Variants in CEP83 observed in about 807,000 individuals in gnomAD.
CEP83 encodes the protein centrosomal protein of 83 kDa.
Under a neutral mutation model 101.9 loss-of-function variants are expected in CEP83, and 70 were observed. That is an observed-to-expected ratio of 0.69 (90% CI 0.57 to 0.84). CEP83 has a LOEUF of 0.84. CEP83 is among the 40% of genes least tolerant of loss of function. The pLI is 0.00. For missense variants in CEP83, 715 were observed against 787.2 expected (o/e 0.91, Z 1.10); for synonymous variants, 264 against 267.9 (o/e 0.99, Z 0.14).
In CEP83 at chr12:94,335,626, G is replaced by T; in HGVS notation, c.1382C>A (p.Ala461Glu). 6.3e-7 allele frequency: 1 copy of T among 1,584,274 alleles called. No homozygotes were observed. Among genetic ancestry groups the T allele is most frequent in the Non-Finnish European group, 8.6e-7 (1 of 1,165,284 alleles). The change falls in exon 12 of 17, where the codon GCA becomes GAA. Residue 461 changes from alanine to glutamate, a missense_variant. By Grantham distance (107) the Ala-to-Glu change is moderately radical. Transcript: ENST00000397809. ...AGAATTTTCATTTTTTTCCTTCTCTGCATTTTCAATAGTCACAATTTGTTG... is the reference window on the plus strand; with the variant it reads ...AGAATTTTCATTTTTTTCCTTCTCTTCATTTTCAATAGTCACAATTTGTTG... Reference protein sequence around the residue: ...LQQQIVTIENAEKEKNENSDL... With the variant: ...LQQQIVTIENEEKEKNENSDL...
At chr12:94,364,748 C>T (rs115979764) in intron 11 of CEP83, among the ~76,000 whole-genome samples, 2,805 of 152,050 alleles carry the variant, frequency 0.018, 78 homozygotes, top group African/African-American at 0.064. Flanking sequence ...ATTTAAAATA[C>T]AATAAAAGCA....
At chr12:94,387,527 G>A (rs2062222572) in intron 6 of CEP83, among the ~76,000 whole-genome samples, 1 of 152,106 alleles carries the variant, frequency 6.6e-6, no homozygotes, top group African/African-American at 2.4e-5. Context: ...ATGGCACCAG[G>A]GACTTTGGGG....
chr12:94,335,835 C>T (rs1010292746), intron 11 of CEP83, 171 bp from the exon 12 acceptor site: 1 of 576,138 alleles, frequency 1.7e-6, no homozygotes, highest in Non-Finnish European at 3.1e-6. Context: ...AAATGTAAAA[C>T]AAATTACTGC....
At chr12:94,373,601 G>T (rs190286113) in intron 8 of CEP83, among the ~76,000 whole-genome samples, 61 of 152,130 alleles carry the variant, frequency 4.0e-4, no homozygotes, top group African/African-American at 1.3e-3. Flanking sequence ...CCTTTTATTG[G>T]CATTCTGAAA....
At chr12:94,341,951 T>C (rs577154662) in intron 11 of CEP83, among the ~76,000 whole-genome samples, 1 of 152,026 alleles carries the variant, frequency 6.6e-6, no homozygotes, top group Non-Finnish European at 1.5e-5. Flanking sequence ...AACATTAGAG[T>C]AGGATGCCTG....
chr12:94,275,103 G>A, the CEP83 span, among the ~76,000 whole-genome samples: 6 of 152,136 alleles, frequency 3.9e-5, no homozygotes, highest in African/African-American at 7.2e-5. Context: ...CAGGTGGCCC[G>A]GTGCTGGGCC....
intron 1 of CEP83, among the ~76,000 whole-genome samples, chr12:94,445,287 A>C (rs1021234457): frequency 1.3e-5 from 2 of 152,096 alleles, no homozygotes; most frequent in South Asian, 4.2e-4. Context: ...ACACACACAC[A>C]CACACAAAGA....
rs146768450 is a variant in CEP83 at position 94,349,009 on chromosome 12, G to T, written c.1344-13345C>A. ...GCTAAGTGTTTGTCTAATCCCACCA[G>T]GTGTGGTGGCTCACACTTGTAATCC... On this transcript the variant is annotated intron_variant, in intron 11 of 16. Coordinates refer to ENST00000397809, the MANE Select transcript of CEP83 (RefSeq NM_016122.3). Among the ~76,000 whole-genome samples the T allele has an allele frequency of 3.7e-4, 56 of 152,156 alleles. No homozygotes were observed. The East Asian group carries it at 8.1e-3, about 22-fold the overall frequency.
At chr12:94,450,867 TA>T (rs2067200302) in intron 1 of CEP83, among the ~76,000 whole-genome samples, 2 of 152,160 alleles carry the variant, frequency 1.3e-5, no homozygotes, top group African/African-American at 4.8e-5. Context: ...TCCTAAATTG[TA>T]TATGGAAATG....
chr12:94,429,101 A>T (rs148082868), intron 2 of CEP83, among the ~76,000 whole-genome samples: 106 of 152,364 alleles, frequency 7.0e-4, no homozygotes, highest in Non-Finnish European at 1.3e-3. Flanking sequence ...ATACAAAGTC[A>T]TAAATTCAGG....
chr12:94,351,903 G>T (rs143245391), intron 11 of CEP83, among the ~76,000 whole-genome samples: 304 of 152,264 alleles, frequency 2.0e-3, no homozygotes, highest in African/African-American at 6.9e-3. Flanking sequence ...AAAACTCACA[G>T]CAGAGACCAC....
chr12:94,300,976 A>G, the CEP83 span: 3 of 1,613,858 alleles, frequency 1.9e-6, no homozygotes, highest in South Asian at 3.3e-5. Context: ...TTAAGAAGAC[A>G]CCACATATAG....
chr12:94,441,914 CAAAAA>C (rs370968833), intron 1 of CEP83, among the ~76,000 whole-genome samples: 1 of 61,820 alleles, frequency 1.6e-5, no homozygotes, highest in African/African-American at 5.9e-5. Flanking sequence ...GACTCCGTCT[CAAAAA>C]AAAAAAAAAA....
intron 1 of CEP83, among the ~76,000 whole-genome samples, chr12:94,444,833 A>G (rs1007455411): frequency 1.1e-4 from 17 of 152,194 alleles, no homozygotes; most frequent in Non-Finnish European, 2.4e-4. Context: ...CTCTATATCT[A>G]TTTTATAATT....
intron 2 of CEP83, among the ~76,000 whole-genome samples, chr12:94,420,586 T>C (rs1225958082): frequency 6.6e-6 from 1 of 152,084 alleles, no homozygotes; most frequent in Non-Finnish European, 1.5e-5. Context: ...GTTTTTTTTG[T>C]TTTGTTTTGT....
At chr12:94,448,415 T>C (rs1219634606) in intron 1 of CEP83, among the ~76,000 whole-genome samples, 1 of 152,196 alleles carries the variant, frequency 6.6e-6, no homozygotes, top group Non-Finnish European at 1.5e-5. Context: ...ATAGAAGTCT[T>C]GACTAACCTC....
intron 1 of CEP83, among the ~76,000 whole-genome samples, chr12:94,451,712 G>A (rs2067267806): frequency 6.6e-6 from 1 of 152,070 alleles, no homozygotes; most frequent in South Asian, 2.1e-4. Context: ...GATGTAATTG[G>A]TACAGCTACT....
chr12:94,376,826 G>A (rs1009330918), intron 7 of CEP83, among the ~76,000 whole-genome samples: 2 of 149,326 alleles, frequency 1.3e-5, no homozygotes, highest in South Asian at 2.1e-4. Context: ...CACAACCTCC[G>A]CCTCCCAAGC....
At position 94,403,217 on chromosome 12, in the gene CEP83, G is replaced by A; in HGVS notation, c.370C>T (p.Gln124Ter). 2 of 1,584,846 alleles carry A rather than the reference G, an allele frequency of 1.3e-6. No individual in the cohort carries two copies. The highest frequency in any genetic ancestry group is 1.7e-6 in the Non-Finnish European group (2 of 1,154,504). The change falls in exon 5 of 17, where the codon CAA becomes TAA. Residue 124 changes from glutamine (Q) to a stop codon, truncating the protein, a stop_gained. Coordinates refer to ENST00000397809, the MANE Select transcript of CEP83 (RefSeq NM_016122.3). LOFTEE classifies it high-confidence loss of function. ...KLELLRAQIQQELETPMRERF... is the reference protein window; with the variant it reads ...KLELLRAQIQ ...TCTCTCATTGGAGTTTCTAATTCTT[G>A]TTGTATTTGGGCTCTTAGCAATTCC...
Sources: allele counts gnomAD v4.1 joint callset (sites outside exome capture counted in the v4.1 genomes callset), GRCh38; gene constraint gnomAD v4.1.1; transcripts MANE v1.5; gene names NCBI Gene and HGNC (gene_info 2026-07-23, HGNC 2026-07-21).